KCNN3: variants seen among roughly 807,000 people sequenced by gnomAD.
KCNN3 encodes potassium calcium-activated channel subfamily N member 3, also known as small conductance calcium-activated potassium channel protein 3.
In KCNN3, 16 loss-of-function variants were observed where a neutral mutation model predicts 62.9. The ratio of observed to expected loss-of-function variants is 0.25; its 90% CI spans 0.17 to 0.39. The LOEUF (loss-of-function observed/expected upper bound fraction) is 0.39, where lower values mean the gene tolerates loss of function less well. Among genes scored for constraint, KCNN3 ranks in the 10% least tolerant of loss-of-function variants. The pLI is 1.00. For missense variants in KCNN3, 599 were observed against 949.4 expected, an observed-to-expected ratio of 0.63 and a Z score of 4.85; for synonymous variants, 370 against 389.2, an observed-to-expected ratio of 0.95 and a Z score of 0.58.
At chr1:154,825,653 C>T (rs1264367794) in intron 1 of KCNN3, among the ~76,000 whole-genome samples, 1 of 151,446 alleles carries the variant, frequency 6.6e-6, no homozygotes, top group East Asian at 2.0e-4. Flanking sequence ...CAGGCGTGAG[C>T]CACCGCGCCC....
At chr1:154,728,740 G>T (rs1006307211) in intron 4 of KCNN3, among the ~76,000 whole-genome samples, 1 of 152,028 alleles carries the variant, frequency 6.6e-6, no homozygotes, top group Non-Finnish European at 1.5e-5. Flanking sequence ...AACAAGTTGC[G>T]TTGCATCCTA....
At chr1:154,830,301 T>G (rs181398659) in intron 1 of KCNN3, among the ~76,000 whole-genome samples, 3 of 152,180 alleles carry the variant, frequency 2.0e-5, no homozygotes, top group Non-Finnish European at 4.4e-5. Flanking sequence ...AGGGTCACAT[T>G]CCCACCGTCC....
chr1:154,708,128 G>T lies in KCNN3; in HGVS notation c.2044C>A (p.Arg682Ser). The change falls in exon 8 of 8, where the codon CGC (arginine) becomes AGC (serine). Residue 682 changes from arginine to serine, a missense_variant. Transcript: ENST00000271915. ...SLPLLIADTL[R>S]QQQQQLLSAI... ...GACAGGAGCTGCTGCTGCTGCTGGC[G>T]CAGGGTGTCGGCGATGAGCAGCGGC... is the stretch of plus-strand genomic sequence containing the variant. 6.2e-7 allele frequency: 1 copy of T among 1,613,816 alleles called. No homozygotes were observed. The highest frequency in any genetic ancestry group is 8.5e-7 in the Non-Finnish European group (1 of 1,180,018).
intron 2 of KCNN3, among the ~76,000 whole-genome samples, chr1:154,790,801 C>T (rs1355926760): frequency 6.6e-6 from 1 of 152,196 alleles, no homozygotes; most frequent in Admixed American, 6.5e-5. Flanking sequence ...TTTAGACATC[C>T]ACCAGGGATC....
chr1:154,733,315 ACC>A (rs1700638729), intron 3 of KCNN3, among the ~76,000 whole-genome samples, 171 bp from the exon 4 acceptor site: 1 of 152,116 alleles, frequency 6.6e-6, no homozygotes, highest in East Asian at 1.9e-4. Context: ...AACTGTGCCC[ACC>A]CAGGTCCCAC....
intron 2 of KCNN3, among the ~76,000 whole-genome samples, chr1:154,818,106 C>T (rs191907386): frequency 3.2e-4 from 48 of 152,258 alleles, no homozygotes; most frequent in Admixed American, 2.8e-3. Flanking sequence ...TGCATTGCTT[C>T]TTGTGTTTTC....
Position 154,869,018 on chromosome 1 carries a change from A to C in KCNN3, c.933+14T>G. 1 of 1,613,658 alleles carries C rather than the reference A, an allele frequency of 6.2e-7. No individual in the cohort carries two copies. The highest frequency in any genetic ancestry group is 8.5e-7 in the Non-Finnish European group (1 of 1,179,794). Reference sequence around the variant, plus strand: ...CCTTTTGTTCAAGGTATAAAGAGAAACCACAGCCCCTACCTTTGAGTACAA... The same window carrying C: ...CCTTTTGTTCAAGGTATAAAGAGAACCCACAGCCCCTACCTTTGAGTACAA... On this transcript the variant is annotated intron_variant, in intron 1 of 7. Transcript: ENST00000271915. This position sits in a 1 kb window ranked among gnomAD's most constrained non-coding sequence, Gnocchi z 6.1.
intron 1 of KCNN3, among the ~76,000 whole-genome samples, chr1:154,837,352 C>T (rs184123313): frequency 6.6e-6 from 1 of 152,050 alleles, no homozygotes; most frequent in African/African-American, 2.4e-5. Flanking sequence ...ACCATGTTGG[C>T]CAGGATGGTC....
At chr1:154,828,598 G>A (rs755233029) in intron 1 of KCNN3, among the ~76,000 whole-genome samples, 1 of 152,150 alleles carries the variant, frequency 6.6e-6, no homozygotes, top group Non-Finnish European at 1.5e-5. Flanking sequence ...ACACTGGATC[G>A]GTCCTTTAAC....
intron 3 of KCNN3, among the ~76,000 whole-genome samples, chr1:154,749,740 G>A (rs186221889): frequency 5.3e-5 from 8 of 152,304 alleles, no homozygotes; most frequent in African/African-American, 1.7e-4. Flanking sequence ...TGGAAGGGGA[G>A]GAGTCTGAGG....
chr1:154,781,113 G>A (rs920691942), intron 2 of KCNN3, among the ~76,000 whole-genome samples: 8 of 152,228 alleles, frequency 5.3e-5, no homozygotes, highest in Non-Finnish European at 1.2e-4. Flanking sequence ...CTCTTGCAGT[G>A]TGTAATGACC....
chr1:154,745,038 A>T (rs1185116973), intron 3 of KCNN3, among the ~76,000 whole-genome samples: 1 of 152,208 alleles, frequency 6.6e-6, no homozygotes, highest in Admixed American at 6.5e-5. Flanking sequence ...AAGCCTATCA[A>T]ACCACGTGCC....
chr1:154,790,632 T>A (rs1282498084), intron 2 of KCNN3, among the ~76,000 whole-genome samples: 1 of 152,224 alleles, frequency 6.6e-6, no homozygotes, highest in Non-Finnish European at 1.5e-5. Context: ...TCATGCCGCA[T>A]ACCACTAGCC....
chr1:154,845,719 C>T (rs1396355638), intron 1 of KCNN3, among the ~76,000 whole-genome samples: 1 of 152,162 alleles, frequency 6.6e-6, no homozygotes, highest in East Asian at 1.9e-4. Context: ...GGGCCGTGCC[C>T]CAGCCAGTCC....
At chr1:154,714,200 GTGTC>G (rs1700153181) in intron 6 of KCNN3, among the ~76,000 whole-genome samples, 1 of 133,824 alleles carries the variant, frequency 7.5e-6, no homozygotes, top group Non-Finnish European at 1.6e-5. Flanking sequence ...TGTGGTGTGT[GTGTC>G]GTATGTGGTG....
At chr1:154,837,364 C>G (rs1049571501) in intron 1 of KCNN3, among the ~76,000 whole-genome samples, 1 of 152,012 alleles carries the variant, frequency 6.6e-6, no homozygotes, top group Admixed American at 6.5e-5. Context: ...AGGATGGTCT[C>G]GATCTCCTGA....
intron 5 of KCNN3, among the ~76,000 whole-genome samples, chr1:154,721,028 G>A (rs115384920): frequency 0.021 from 3,195 of 152,306 alleles, 48 homozygotes; most frequent in Middle Eastern, 0.078. Context: ...GGGAAGTTAG[G>A]AGAAGGAAAT....
In KCNN3 at chr1:154,870,057, T is replaced by C. The variant is rs759394056; in HGVS notation, c.-93A>G. The C allele has an allele frequency of 7.1e-7, 1 of 1,406,484 alleles. No individual in the cohort carries two copies. The highest frequency in any genetic ancestry group is 2.5e-5 in the East Asian group (1 of 40,516). 87.1% of individuals were successfully genotyped at this position (1,406,484 alleles called of 1,614,324 possible). A position where few individuals can be genotyped will look rare whatever the true frequency, so the allele number is the denominator to read the frequency against. On this transcript the variant is annotated 5_prime_UTR_variant, in exon 1 of 8. Transcript: ENST00000271915. ...TCCTCAAAGAAAGCCAGGCATCCAA[T>C]CTCCCCCACCAGTATCTTGGCTCCA... is the stretch of plus-strand genomic sequence containing the variant.
intron 4 of KCNN3, among the ~76,000 whole-genome samples, chr1:154,731,840 A>G (rs1207019624): frequency 6.6e-6 from 1 of 151,996 alleles, no homozygotes; most frequent in Non-Finnish European, 1.5e-5. Context: ...CACCTCCCCC[A>G]ACACTACCCA....
Sources: allele counts gnomAD v4.1 joint callset (sites outside exome capture counted in the v4.1 genomes callset), GRCh38; gene constraint gnomAD v4.1.1; non-coding constraint Gnocchi (gnomAD v3.1); transcripts MANE v1.5; gene names NCBI Gene and HGNC (gene_info 2026-07-23, HGNC 2026-07-21).